Variants in FER observed in about 807,000 individuals in gnomAD.
FER encodes the protein FER tyrosine kinase.
A neutral mutation model predicts 111.0 loss-of-function variants in FER; 63 were observed. The ratio of observed to expected loss-of-function variants is 0.57; its 90% confidence interval spans 0.46 to 0.70. The LOEUF (loss-of-function observed/expected upper bound fraction) is 0.70, where lower values mean the gene tolerates loss of function less well. Ranked by LOEUF, FER falls within the 30% of genes least tolerant of loss-of-function variation. The pLI is 0.00. For missense variants in FER, 914 were observed against 954.0 expected, an observed-to-expected ratio of 0.96 and a Z score of 0.55; for synonymous variants, 327 against 313.9, an observed-to-expected ratio of 1.04 and a Z score of -0.44.
Position 109,186,229 on chromosome 5 carries a change from A to G in FER, c.2233A>G (p.Ser745Gly). Residue 745 changes from serine to glycine, a missense_variant, in exon 19 of 20, where the codon AGC becomes GGC. Ser to Gly is a moderately conservative substitution (Grantham distance 56). This residue lies in a region of FER where 134 missense variants were observed against 149.4 expected (regional missense o/e 0.90). Transcript: ENST00000281092. Reference sequence around the variant, plus strand: ...ATACAGTTCAGAGAGTGACGTGTGGAGCTTTGGCATCCTTCTCTGGGAGAC... The same window carrying G: ...ATACAGTTCAGAGAGTGACGTGTGGGGCTTTGGCATCCTTCTCTGGGAGAC... ...GRYSSESDVW[S>G]FGILLWETFS... The G allele has an allele frequency of 6.2e-7, 1 of 1,613,982 alleles. No individual in the cohort carries two copies.
At chr5:109,021,370 T>A (rs987185373) in intron 13 of FER, among the ~76,000 whole-genome samples, 1 of 152,018 alleles carries the variant, frequency 6.6e-6, no homozygotes, top group Non-Finnish European at 1.5e-5. Flanking sequence ...ACATTATTTT[T>A]AAAAATGCAT....
chr5:108,987,438 C>T (rs182139581), intron 13 of FER, among the ~76,000 whole-genome samples: 1 of 152,140 alleles, frequency 6.6e-6, no homozygotes, highest in African/African-American at 2.4e-5. Context: ...AAGAGCAAAA[C>T]TCCATCTCAA....
chr5:108,988,121 C>A (rs1232226936), intron 13 of FER, among the ~76,000 whole-genome samples: 1 of 152,066 alleles, frequency 6.6e-6, no homozygotes, highest in Non-Finnish European at 1.5e-5. Flanking sequence ...TGAACCATCC[C>A]TGCATCCCTG....
intron 2 of FER, among the ~76,000 whole-genome samples, chr5:108,793,519 C>CGGAGG (rs1554065855): frequency 2.9e-5 from 3 of 103,156 alleles, no homozygotes; most frequent in African/African-American, 4.4e-5. Flanking sequence ...TTTGGCGGGG[C>CGGAGG]GGGGGGGGTG....
intron 17 of FER, among the ~76,000 whole-genome samples, chr5:109,107,866 A>G (rs1749131507): frequency 6.6e-6 from 1 of 152,286 alleles, no homozygotes; most frequent in Non-Finnish European, 1.5e-5. Context: ...TTAGGCTAAT[A>G]TAACCTGCCA....
At chr5:108,842,026 T>C (rs1245760196) in intron 5 of FER, among the ~76,000 whole-genome samples, 1 of 152,244 alleles carries the variant, frequency 6.6e-6, no homozygotes, top group Non-Finnish European at 1.5e-5. Context: ...TGTTATATTA[T>C]AGCTTTGATA....
rs749626451 is a variant in FER, at chr5:108,883,482, T to C, written c.1010T>C (p.Ile337Thr). The C allele has an allele frequency of 1.2e-6, 2 of 1,606,886 alleles. No individual in the cohort carries two copies. Among genetic ancestry groups the C allele is most frequent in the Non-Finnish European group, 1.7e-6 (2 of 1,175,474 alleles). Residue 337 changes from isoleucine (I) to threonine (T), a missense_variant, in exon 9 of 20, where the codon ATT becomes ACT. By Grantham distance (89) the Ile-to-Thr change is moderately conservative. Coordinates refer to ENST00000281092, the MANE Select transcript of FER (RefSeq NM_005246.4). ...GCTGTTTTGGAGTTAGAGAAGAGAA[T>C]TGAAGAATCTTCTGAAACTTGTGAG... ...EEAVLELEKR[I>T]EESSETCEKK...
At chr5:108,867,986 CACAAA>C (rs750094943) in intron 6 of FER, 36 bp downstream of exon 6, 2 of 1,564,422 alleles carry the variant, frequency 1.3e-6, no homozygotes, top group Non-Finnish European at 1.7e-6. Context: ...AAAATCCCTT[CACAAA>C]ATGATTTCAA....
intron 16 of FER, among the ~76,000 whole-genome samples, chr5:109,072,592 T>C (rs1032141510): frequency 2.6e-5 from 4 of 151,882 alleles, no homozygotes; most frequent in African/African-American, 9.7e-5. Flanking sequence ...AATCCGTTTT[T>C]TAGTGATAGT....
rs1337713990 is a variant in FER, at chr5:108,835,184, A to ACCCC, written c.382-514_382-511dup. ...GCAGTGTTATTTCTTCGTTTGCGCC[A>ACCCC]CCCCCCCCCCCCCACTTTTTTTTTG... On this transcript the variant is annotated intron_variant, in intron 4 of 19. Coordinates refer to ENST00000281092, the MANE Select transcript of FER (RefSeq NM_005246.4). 1.8e-3 allele frequency among the ~76,000 whole-genome samples: 51 copies of ACCCC among 28,886 alleles called. 4 individuals carry two copies. The highest frequency in any genetic ancestry group is 4.6e-3 in the African/African-American group (22 of 4,792). 19.0% of individuals were successfully genotyped at this position (28,886 alleles called of 152,430 possible). A position where few individuals can be genotyped will look rare whatever the true frequency, so the allele number is the denominator to read the frequency against.
chr5:108,891,025 A>G (rs1407532521), intron 9 of FER, among the ~76,000 whole-genome samples: 1 of 152,060 alleles, frequency 6.6e-6, no homozygotes, highest in African/African-American at 2.4e-5. Flanking sequence ...CCTTGCCAGC[A>G]TTTGGTGGTG....
chr5:108,879,701 A>AAATATATATATATATATATATATATATAT, intron 8 of FER, among the ~76,000 whole-genome samples: 12 of 99,094 alleles, frequency 1.2e-4, no homozygotes, highest in African/African-American at 4.8e-4. Context: ...ATTAAAAAAA[A>AAATATATATATATATATATATATATATAT]ATATATATAT....
chr5:108,839,259 T>C (rs1255641138), intron 5 of FER, among the ~76,000 whole-genome samples: 1 of 152,002 alleles, frequency 6.6e-6, no homozygotes, highest in Non-Finnish European at 1.5e-5. Flanking sequence ...GAAAGAACAA[T>C]GGGTGAAGGA....
intron 19 of FER, 125 bp downstream of exon 19, chr5:109,186,447 G>C: frequency 7.2e-7 from 1 of 1,384,480 alleles, no homozygotes; most frequent in Non-Finnish European, 1.0e-6. Context: ...ACCATCTCTG[G>C]GGTTCAGAAG....
intron 5 of FER, among the ~76,000 whole-genome samples, chr5:108,844,996 G>GTATATA (rs1178206742): frequency 1.1e-3 from 32 of 29,264 alleles, no homozygotes; most frequent in East Asian, 2.0e-3. Flanking sequence ...GTGTGTGTGT[G>GTATATA]TATATATATA....
intron 17 of FER, among the ~76,000 whole-genome samples, chr5:109,130,557 AACTC>A (rs1752249726): frequency 6.6e-6 from 1 of 152,184 alleles, no homozygotes; most frequent in African/African-American, 2.4e-5. Context: ...TTTAAATAAT[AACTC>A]AATACAGATA....
intron 13 of FER, among the ~76,000 whole-genome samples, chr5:108,960,085 T>C (rs1425823153): frequency 4.6e-5 from 7 of 152,120 alleles, no homozygotes; most frequent in Non-Finnish European, 1.0e-4. Context: ...CTGTCTAATA[T>C]GAAGAACAGC....
At chr5:108,822,767 A>ATTTG (rs1759027013) in intron 3 of FER, among the ~76,000 whole-genome samples, 5 of 98,316 alleles carry the variant, frequency 5.1e-5, no homozygotes, top group Non-Finnish European at 1.2e-4. Context: ...TATTTTATTT[A>ATTTG]TTTTATTTTA....
intron 16 of FER, among the ~76,000 whole-genome samples, chr5:109,081,960 A>G (rs1207405903): frequency 2.6e-5 from 4 of 151,900 alleles, no homozygotes; most frequent in African/African-American, 9.7e-5. Context: ...TTCAGAATCC[A>G]TTGAAGGTTT....
Sources: allele counts gnomAD v4.1 joint callset (sites outside exome capture counted in the v4.1 genomes callset), GRCh38; gene constraint gnomAD v4.1.1; regional missense constraint gnomAD v4.1.1; transcripts MANE v1.5; gene names NCBI Gene and HGNC (gene_info 2026-07-23, HGNC 2026-07-21).